The following KCNC2 variants were observed in gnomAD, a reference collection of about 807,000 sequenced individuals.
KCNC2 encodes potassium voltage-gated channel subfamily C member 2.
KCNC2 carries 21 observed loss-of-function variants against 44.5 expected under a neutral mutation model. That is an observed-to-expected ratio of 0.47 (90% CI 0.33 to 0.68). The LOEUF (loss-of-function observed/expected upper bound fraction) is 0.68. Ranked by LOEUF, KCNC2 falls within the 30% of genes least tolerant of loss-of-function variation. The pLI is 0.01. For synonymous variants in KCNC2, 391 were observed against 339.1 expected, an observed-to-expected ratio of 1.15 and a Z score of -1.68; for missense variants, 589 against 826.2, an observed-to-expected ratio of 0.71 and a Z score of 3.52.
At chr12:75,083,217 C>T (rs1884669265) in intron 2 of KCNC2, among the ~76,000 whole-genome samples, 1 of 151,504 alleles carries the variant, frequency 6.6e-6, no homozygotes, top group Admixed American at 6.6e-5. Flanking sequence ...AACATTACTA[C>T]TGCTGTTTTC....
intron 2 of KCNC2, among the ~76,000 whole-genome samples, chr12:75,114,865 T>A (rs1457075915): frequency 7.2e-6 from 1 of 139,618 alleles, no homozygotes; most frequent in Non-Finnish European, 1.5e-5. Context: ...ACTTTTTTTT[T>A]TTTTTTTTTT....
At chr12:75,185,509 C>A (rs528544501) in intron 2 of KCNC2, among the ~76,000 whole-genome samples, 3 of 151,932 alleles carry the variant, frequency 2.0e-5, no homozygotes, top group African/African-American at 7.2e-5. Context: ...TGTTTCTTAT[C>A]CTCTTCCTTC....
In KCNC2 at chr12:75,084,254, T is replaced by TA. The variant is rs5799207; in HGVS notation, c.688-32938_688-32937insT. 4.7e-3 allele frequency among the ~76,000 whole-genome samples: 648 copies of TA among 138,198 alleles called. 5 individuals are homozygous for TA. Among genetic ancestry groups the TA allele is most frequent in the African/African-American group, 0.012 (424 of 36,304 alleles). 90.7% of individuals were successfully genotyped at this position (138,198 alleles called of 152,430 possible). The stretch of plus-strand genomic sequence containing the variant: ...ATATAGATAGATAGATAGATGATGA[T>TA]GATAGATAGATAGATTAGATAGATA... On this transcript the variant is annotated intron_variant, in intron 2 of 4. Transcript: ENST00000549446.
chr12:75,122,502 A>T (rs566587971), intron 2 of KCNC2, among the ~76,000 whole-genome samples: 8 of 152,346 alleles, frequency 5.3e-5, no homozygotes, highest in African/African-American at 1.9e-4. Flanking sequence ...GATCTTAGAC[A>T]TTCATTAATC....
chr12:75,045,785 G>A (rs1035431644), intron 4 of KCNC2, among the ~76,000 whole-genome samples: 1 of 151,864 alleles, frequency 6.6e-6, no homozygotes, highest in Non-Finnish European at 1.5e-5. Context: ...TACTCTTTTA[G>A]TGAATCCTTA....
At chr12:75,045,409 G>A (rs1880375593) in intron 4 of KCNC2, among the ~76,000 whole-genome samples, 1 of 151,802 alleles carries the variant, frequency 6.6e-6, no homozygotes, top group Non-Finnish European at 1.5e-5. Context: ...TAATTTCAGT[G>A]CCTATTTGAA....
intron 2 of KCNC2, among the ~76,000 whole-genome samples, chr12:75,182,570 C>T (rs1306599986): frequency 6.7e-6 from 1 of 150,222 alleles, no homozygotes; most frequent in Non-Finnish European, 1.5e-5. Context: ...ACAGAAAGCA[C>T]TGACTGACTC....
chr12:75,040,288 A>G lies in KCNC2; in HGVS notation c.*2817T>C, dbSNP rs1010907682. 2 of 152,056 alleles carry G rather than the reference A, an allele frequency of 1.3e-5. No homozygotes were observed. Among genetic ancestry groups the G allele is most frequent in the African/African-American group, 4.8e-5 (2 of 41,440 alleles). The allele number at this position is 152,056 out of a possible 1,614,324, so 9.4% of individuals were successfully genotyped here. On this transcript the variant is annotated 3_prime_UTR_variant, in exon 5 of 5. Coordinates refer to ENST00000549446, the MANE Select transcript of KCNC2 (RefSeq NM_139137.4). ...AGGGGAACTAATAGACTCTGAAAAT[A>G]TTGATTAAGCAAGATGTAAAAATCT...
In KCNC2 at chr12:75,050,567, A is replaced by G; in HGVS notation, c.1438T>C (p.Tyr480His). The change falls in exon 3 of 5, where the codon TAC becomes CAC. Residue 480 changes from tyrosine (Y) to histidine (H), a missense_variant. Tyr to His is a moderately conservative substitution (Grantham distance 83). Coordinates refer to ENST00000549446, the MANE Select transcript of KCNC2 (RefSeq NM_139137.4). ...TTCTGCTTTGCCATTGCCAAGGAGT[A>G]GTACATTCCAAAATTATTGACAATG... ...PVIVNNFGMYYSLAMAKQKLP... is the reference protein window; with the variant it reads ...PVIVNNFGMYHSLAMAKQKLP... The G allele has an allele frequency of 6.2e-7, 1 of 1,613,608 alleles. No individual in the cohort carries two copies. The highest frequency in any genetic ancestry group is 8.5e-7 in the Non-Finnish European group (1 of 1,179,842).
At chr12:75,191,541 T>A (rs1194423368) in intron 2 of KCNC2, among the ~76,000 whole-genome samples, 228 of 43,162 alleles carry the variant, frequency 5.3e-3, no homozygotes, top group South Asian at 0.038. Flanking sequence ...TTTTTTTTTT[T>A]TTTTTTTTTT....
chr12:75,059,190 A>G (rs1367187612), intron 2 of KCNC2, among the ~76,000 whole-genome samples: 1 of 152,118 alleles, frequency 6.6e-6, no homozygotes, highest in East Asian at 1.9e-4. Flanking sequence ...AGATTGATTG[A>G]TTGGCTGTGT....
chr12:75,202,108 T>G (rs1394518136), intron 2 of KCNC2, among the ~76,000 whole-genome samples: 1 of 151,944 alleles, frequency 6.6e-6, no homozygotes, highest in Non-Finnish European at 1.5e-5. Context: ...TTTCAGTTGC[T>G]TTGAAAATGA....
chr12:75,041,628 C>T lies in KCNC2; in HGVS notation c.*1477G>A, dbSNP rs2136903622. On this transcript the variant is annotated 3_prime_UTR_variant, in exon 5 of 5. Transcript: ENST00000549446. ...AGGAATGCATAAATAGACTTTCTTCCACTCAGACTGAATATGACTCCCTAA... is the reference window on the plus strand; with the variant it reads ...AGGAATGCATAAATAGACTTTCTTCTACTCAGACTGAATATGACTCCCTAA... The T allele has an allele frequency of 9.8e-7, 1 of 1,019,230 alleles. No homozygotes were observed. The highest frequency in any genetic ancestry group is 1.2e-6 in the Non-Finnish European group (1 of 849,230). The allele number at this position is 1,019,230 out of a possible 1,614,324, so 63.1% of individuals were successfully genotyped here. A position where few individuals can be genotyped will look rare whatever the true frequency, so the allele number is the denominator to read the frequency against.
chr12:75,060,542 T>A (rs1882209338), intron 2 of KCNC2, among the ~76,000 whole-genome samples: 1 of 152,072 alleles, frequency 6.6e-6, no homozygotes, highest in South Asian at 2.1e-4. Context: ...CACGGGTCAT[T>A]GCAGCCTTGA....
At chr12:75,205,305 C>T (rs1435414769) in intron 2 of KCNC2, among the ~76,000 whole-genome samples, 1 of 152,126 alleles carries the variant, frequency 6.6e-6, no homozygotes, top group Non-Finnish European at 1.5e-5. Context: ...CTAAACGTGA[C>T]CTCAAATAAA....
At chr12:75,128,542 T>A (rs2446342) in intron 2 of KCNC2, among the ~76,000 whole-genome samples, 17,423 of 152,082 alleles carry the variant, frequency 0.11, 1,149 homozygotes, top group African/African-American at 0.16. Context: ...CAGAGCATAT[T>A]TGCACATCAG....
rs761784981 is a variant in KCNC2 at position 75,042,418 on chromosome 12, T to C, written c.*687A>G. 2 of 1,585,976 alleles carry C rather than the reference T, an allele frequency of 1.3e-6. No homozygotes were observed. Among genetic ancestry groups the C allele is most frequent in the South Asian group, 2.3e-5 (2 of 86,834 alleles). The stretch of plus-strand genomic sequence containing the variant: ...AGACATTCAGAACTCCAATACAGCA[T>C]TTTTGAAGAAAAGTAAATCAATCAA... On this transcript the variant is annotated 3_prime_UTR_variant, in exon 5 of 5. Transcript: ENST00000549446.
chr12:75,047,531 T>C (rs1377892436), intron 4 of KCNC2, among the ~76,000 whole-genome samples: 1 of 152,078 alleles, frequency 6.6e-6, no homozygotes, highest in Non-Finnish European at 1.5e-5. Context: ...GGATTTTTTA[T>C]TATTGGTCCT....
chr12:75,044,073 T>C (rs889666768), intron 4 of KCNC2, among the ~76,000 whole-genome samples: 1 of 152,138 alleles, frequency 6.6e-6, no homozygotes, highest in African/African-American at 2.4e-5. Context: ...TCTTATTCCT[T>C]AGCTACTTAA....
Sources: gnomAD v4.1 joint callset for allele counts (sites outside exome capture counted in the v4.1 genomes callset) on GRCh38, gnomAD v4.1.1 for gene constraint, MANE v1.5 for transcripts, NCBI Gene and HGNC (gene_info 2026-07-23, HGNC 2026-07-21) for gene names.